The following POLQ variants were observed in gnomAD, a reference collection of about 807,000 sequenced individuals.
POLQ encodes the protein epididymis secretory sperm binding protein.
Under a neutral mutation model 259.2 loss-of-function variants are expected in POLQ, and 233 were observed. That is an observed-to-expected ratio of 0.90 (90% CI 0.81 to 1.00). The LOEUF (loss-of-function observed/expected upper bound fraction) is 1.00. POLQ is among the 50% of genes least tolerant of loss of function. POLQ has a pLI of 0.00. For synonymous variants in POLQ, 1,025 were observed against 1,048.8 expected (o/e 0.98, Z 0.44); for missense variants, 2,871 against 3,051.6 (o/e 0.94, Z 1.39).
At chr3:121,481,272 T>C (rs1214665649) in intron 19 of POLQ, among the ~76,000 whole-genome samples, 1 of 152,206 alleles carries the variant, frequency 6.6e-6, no homozygotes, top group Non-Finnish European at 1.5e-5. Flanking sequence ...AGTCAGCAAA[T>C]TATGGCCAAA....
chr3:121,483,678 G>C (rs1407981608), intron 17 of POLQ, 96 bp from the exon 18 acceptor site: 2 of 881,572 alleles, frequency 2.3e-6, no homozygotes, highest in African/African-American at 1.7e-5. Flanking sequence ...GACTGAAAAA[G>C]ACTCAGAAGG....
At chr3:121,519,809 C>G (rs1165370655) in intron 9 of POLQ, 62 bp downstream of exon 9, 1 of 944,120 alleles carries the variant, frequency 1.1e-6, no homozygotes, top group Non-Finnish European at 1.7e-6. Flanking sequence ...AGACACTAGT[C>G]AAATTTCAAG....
chr3:121,455,529 A>T (rs1576402860), intron 25 of POLQ, among the ~76,000 whole-genome samples: 1 of 18,160 alleles, frequency 5.5e-5, no homozygotes, highest in Non-Finnish European at 1.1e-4. Context: ...AAATAGACAC[A>T]AAAAAAAAAG....
At chr3:121,458,053 C>T (rs1169267699) in intron 25 of POLQ, among the ~76,000 whole-genome samples, 6 of 152,042 alleles carry the variant, frequency 3.9e-5, no homozygotes, top group Non-Finnish European at 7.4e-5. Flanking sequence ...TACTACGCAG[C>T]CATAAAAAAT....
At chr3:121,456,136 T>C (rs2047734800) in intron 25 of POLQ, among the ~76,000 whole-genome samples, 1 of 152,068 alleles carries the variant, frequency 6.6e-6, no homozygotes, top group African/African-American at 2.4e-5. Flanking sequence ...AAAAAACACA[T>C]GATTATCTCA....
In POLQ at chr3:121,490,425, GAA is replaced by G; in HGVS notation, c.2523-19_2523-18del. On this transcript the variant is annotated intron_variant, in intron 15 of 29. Transcript: ENST00000264233. ...TTCCGGGCACTACACAAGGAGATGG[GAA>G]AAGACAGAAATGAATTCATTCATTC... The G allele has an allele frequency of 6.3e-7, 1 of 1,590,790 alleles. No individual in the cohort carries two copies. Among genetic ancestry groups the G allele is most frequent in the Non-Finnish European group, 8.6e-7 (1 of 1,160,636 alleles).
chr3:121,446,052 C>CT (rs548521908), intron 26 of POLQ, among the ~76,000 whole-genome samples: 8 of 149,406 alleles, frequency 5.4e-5, no homozygotes, highest in South Asian at 4.2e-4. Flanking sequence ...TTTTCTTCTT[C>CT]TTTTTTTTTA....
intron 22 of POLQ, among the ~76,000 whole-genome samples, chr3:121,470,353 A>G (rs1380895284): frequency 6.6e-6 from 1 of 152,162 alleles, no homozygotes; most frequent in Admixed American, 6.6e-5. Flanking sequence ...TATCATTAGC[A>G]TATGTTTCAA....
At chr3:121,454,715 G>C (rs915955147) in intron 25 of POLQ, among the ~76,000 whole-genome samples, 1 of 152,194 alleles carries the variant, frequency 6.6e-6, no homozygotes, top group Non-Finnish European at 1.5e-5. Context: ...CAATACAGGA[G>C]CACCCAGATT....
At chr3:121,472,887 T>C (rs961149678) in intron 21 of POLQ, among the ~76,000 whole-genome samples, 3 of 152,224 alleles carry the variant, frequency 2.0e-5, no homozygotes, top group Non-Finnish European at 2.9e-5. Context: ...ACAGTTTCCA[T>C]GGATTATGAT....
At chr3:121,480,363 C>A (rs559814257) in intron 19 of POLQ, among the ~76,000 whole-genome samples, 1 of 152,182 alleles carries the variant, frequency 6.6e-6, no homozygotes, top group South Asian at 2.1e-4. Context: ...TAATTATATT[C>A]AAACTAAATC....
rs1182269037 is a variant in POLQ, at chr3:121,545,202, G to A, written c.164-296C>T. Among the ~76,000 whole-genome samples, 6 of 151,664 alleles carry A rather than the reference G, an allele frequency of 4.0e-5. No homozygotes were observed. In the East Asian group the frequency reaches 9.6e-4, roughly 24 times the overall value. The stretch of plus-strand genomic sequence containing the variant: ...GTTGGGGGAGGAGGGCAATATGCAA[G>A]CATTACAAAGCTAAGTTAGGTGAGT... On this transcript the variant is annotated intron_variant, in intron 1 of 29. Coordinates refer to ENST00000264233, the MANE Select transcript of POLQ (RefSeq NM_199420.4).
chr3:121,491,196 T>G (rs530876665), intron 15 of POLQ, among the ~76,000 whole-genome samples: 1 of 151,396 alleles, frequency 6.6e-6, no homozygotes, highest in African/African-American at 2.4e-5. Flanking sequence ...CTACTAAAAA[T>G]ACAAAAATTG....
At chr3:121,525,404 C>T (rs957073163) in intron 7 of POLQ, among the ~76,000 whole-genome samples, 1 of 151,304 alleles carries the variant, frequency 6.6e-6, no homozygotes, top group Non-Finnish European at 1.5e-5. Context: ...GGAAGTAGAT[C>T]ATCATAAAAG....
intron 22 of POLQ, 92 bp downstream of exon 22, chr3:121,471,897 CA>C: frequency 1.6e-6 from 1 of 637,174 alleles, no homozygotes. Context: ...CCTTGATCAA[CA>C]CTTGAATTCT....
rs577530157 is a variant in POLQ, at chr3:121,473,952, C to T, written c.6406-465G>A. On this transcript the variant is annotated intron_variant, in intron 20 of 29. Transcript: ENST00000264233. ...ATGTTGGCCAGGGTGGTCTCAAACTCCTAAGCTCAAGCAACCCACCTGCTT... is the reference window on the plus strand; with the variant it reads ...ATGTTGGCCAGGGTGGTCTCAAACTTCTAAGCTCAAGCAACCCACCTGCTT... Among the ~76,000 whole-genome samples the T allele has an allele frequency of 2.6e-5, 4 of 152,230 alleles. No individual in the cohort carries two copies. In the East Asian group the frequency reaches 7.7e-4, roughly 29 times the overall value.
chr3:121,454,436 G>C (rs1003771453), intron 25 of POLQ, among the ~76,000 whole-genome samples: 56 of 152,198 alleles, frequency 3.7e-4, no homozygotes, highest in Non-Finnish European at 4.6e-4. Flanking sequence ...ACACAGACTG[G>C]CAAATTGGAT....
chr3:121,488,528 G>T lies in POLQ; in HGVS notation c.4403C>A (p.Pro1468His). 1 of 1,610,986 alleles carries T rather than the reference G, an allele frequency of 6.2e-7. No homozygotes were observed. The highest frequency in any genetic ancestry group is 1.1e-5 in the South Asian group (1 of 90,074). ...VILLIPQKRT[P>H]TGVEGECLPV... ...AAGACATTCTCCTTCTACACCAGTG[G>T]GAGTTCTCTTTTGAGGAATCAGAAG... is the stretch of plus-strand genomic sequence containing the variant. The change falls in exon 16 of 30, where the codon CCC (proline) becomes CAC (histidine). Residue 1468 changes from proline to histidine, a missense_variant. Around this residue, in one of 3 missense-constraint regions of POLQ, gnomAD observed 2,080 missense variants for 2,126.0 expected, o/e 0.98. Coordinates refer to ENST00000264233, the MANE Select transcript of POLQ (RefSeq NM_199420.4).
At chr3:121,491,346 C>CAAA (rs3045625) in intron 15 of POLQ, among the ~76,000 whole-genome samples, 366 of 77,958 alleles carry the variant, frequency 4.7e-3, no homozygotes, top group Middle Eastern at 0.022. Context: ...GAGACTGTCA[C>CAAA]AAAAAAAAAA....
Sources: allele counts gnomAD v4.1 joint callset (sites outside exome capture counted in the v4.1 genomes callset), GRCh38; gene constraint gnomAD v4.1.1; regional missense constraint gnomAD v4.1.1; transcripts MANE v1.5; gene names NCBI Gene and HGNC (gene_info 2026-07-23, HGNC 2026-07-21).